DHX36: variants seen among roughly 807,000 people sequenced by gnomAD.
The protein encoded by DHX36 is ATP-dependent DNA/RNA helicase DHX36.
DHX36 carries 50 observed loss-of-function variants against 139.0 expected under a neutral mutation model. The observed-to-expected ratio is 0.36, with a 90% confidence interval of 0.29 to 0.46. The LOEUF (loss-of-function observed/expected upper bound fraction) is 0.46, where lower values mean the gene tolerates loss of function less well. DHX36 is among the 20% of genes least tolerant of loss of function. The pLI, the probability that DHX36 is intolerant of heterozygous loss-of-function variation, is 1.00. For synonymous variants in DHX36, 425 were observed against 401.9 expected (o/e 1.06, Z -0.69); for missense variants, 1,024 against 1,211.3 (o/e 0.85, Z 2.29).
intron 14 of DHX36, 88 bp from the exon 15 acceptor site, chr3:154,292,782 T>C: frequency 6.6e-7 from 1 of 1,504,706 alleles, no homozygotes; most frequent in Non-Finnish European, 8.8e-7. Flanking sequence ...TATTAACCTA[T>C]AAAAGACCAA....
In DHX36 at chr3:154,299,336, T is replaced by C. The variant is rs138147334; in HGVS notation, c.1549+502A>G. 5.3e-3 allele frequency among the ~76,000 whole-genome samples: 811 copies of C among 152,232 alleles called. 5 individuals carry two copies. The highest frequency in any genetic ancestry group is 0.01 in the Admixed American group (153 of 15,274). On this transcript the variant is annotated intron_variant, in intron 12 of 24. Coordinates refer to ENST00000496811, the MANE Select transcript of DHX36 (RefSeq NM_020865.3). ...AGAATTTTCTTTGTAGTTTTTATAT[T>C]TGAAGTTAATGATTGCTGAAAATAC...
At chr3:154,293,172 G>A (rs1056456970) in intron 14 of DHX36, among the ~76,000 whole-genome samples, 2 of 152,024 alleles carry the variant, frequency 1.3e-5, no homozygotes, top group Admixed American at 6.5e-5. Flanking sequence ...CCAGAAACAG[G>A]CGAAAGGACA....
At chr3:154,280,434 A>G in intron 22 of DHX36, 145 bp downstream of exon 22, 1 of 625,434 alleles carries the variant, frequency 1.6e-6, no homozygotes, top group Admixed American at 3.0e-5. Context: ...TAAACAGTTC[A>G]CCTTCTCTGA....
At position 154,276,809 on chromosome 3, in the gene DHX36, T is replaced by C; in HGVS notation, c.2779A>G (p.Thr927Ala). Reference sequence around the variant, plus strand: ...ACAATCCACTCATCTACAGCAATAGTTTCCTGATCGTTATCCTTCTGGATG... The same window carrying C: ...ACAATCCACTCATCTACAGCAATAGCTTCCTGATCGTTATCCTTCTGGATG... The part of the protein sequence containing the change: ...ISIQKDNDQE[T>A]IAVDEWIVFQ... Residue 927 changes from threonine to alanine, a missense_variant, in exon 24 of 25, where the codon ACT becomes GCT. Coordinates refer to ENST00000496811, the MANE Select transcript of DHX36 (RefSeq NM_020865.3). The C allele has an allele frequency of 6.2e-7, 1 of 1,613,998 alleles. No individual in the cohort carries two copies. Among genetic ancestry groups the C allele is most frequent in the Non-Finnish European group, 8.5e-7 (1 of 1,179,950 alleles).
rs771334280 is a variant in DHX36 at position 154,324,204 on chromosome 3, C to T, written c.213G>A (p.Gly71=). The change falls in exon 1 of 25, where the codon GGG becomes GGA. Residue 71 remains glycine (G), a synonymous_variant. Transcript: ENST00000496811. ...GCCTCTCCGCTTCCTTGTTCTTCTG[C>T]CCCTGTTTTTTCGCGTACCACATGC... ...EIGMWYAKKQ[G]QKNKEAERQE... is the part of the protein sequence containing the mutation. 6.2e-7 allele frequency: 1 copy of T among 1,613,122 alleles called. No individual in the cohort carries two copies. The highest frequency in any genetic ancestry group is 8.5e-7 in the Non-Finnish European group (1 of 1,179,454).
In DHX36 at chr3:154,289,829, T is replaced by TAA. The variant is rs149380968; in HGVS notation, c.1815-5_1815-4dup. 8.0e-5 allele frequency: 112 copies of TAA among 1,393,006 alleles called. No individual in the cohort carries two copies. Among genetic ancestry groups the TAA allele is most frequent in the African/African-American group, 3.9e-4 (26 of 66,786 alleles). 86.3% of individuals were successfully genotyped at this position (1,393,006 alleles called of 1,614,324 possible). Reference sequence around the variant, plus strand: ...GATAGCAATGACCAGGTTGAACTCTTAAAAAAAAAACAAAACAAAATGAAA... The same window carrying TAA: ...GATAGCAATGACCAGGTTGAACTCTTAAAAAAAAAAAACAAAACAAAATGAAA... On this transcript the variant is annotated splice_polypyrimidine_tract_variant and splice_region_variant and intron_variant, in intron 15 of 24. Transcript: ENST00000496811.
chr3:154,292,463 TAATA>T, intron 15 of DHX36, 84 bp downstream of exon 15: 1 of 1,531,072 alleles, frequency 6.5e-7, no homozygotes, highest in Non-Finnish European at 8.9e-7. Context: ...GTAACTCTTT[TAATA>T]AATATCTTTA....
chr3:154,303,792 T>C (rs1006941046), intron 8 of DHX36, among the ~76,000 whole-genome samples: 2 of 152,340 alleles, frequency 1.3e-5, no homozygotes, highest in Non-Finnish European at 2.9e-5. Context: ...AGATAAGCAT[T>C]ACTACTTGTA....
At chr3:154,295,393 T>C (rs1711999864) in intron 12 of DHX36, 54 bp from the exon 13 acceptor site, 1 of 891,352 alleles carries the variant, frequency 1.1e-6, no homozygotes, top group African/African-American at 1.7e-5. Context: ...AAAAGCTCCA[T>C]CAAACACATA....
At chr3:154,322,790 T>C (rs1713242231) in intron 1 of DHX36, among the ~76,000 whole-genome samples, 1 of 152,232 alleles carries the variant, frequency 6.6e-6, no homozygotes, top group African/African-American at 2.4e-5. Flanking sequence ...TTCAAGTCCC[T>C]GGAGCAATAT....
intron 2 of DHX36, 65 bp downstream of exon 2, chr3:154,315,973 GA>G: frequency 6.7e-7 from 1 of 1,484,596 alleles, no homozygotes; most frequent in South Asian, 1.3e-5. Flanking sequence ...AGAAAATAAA[GA>G]TGTTATTTTT....
intron 23 of DHX36, 78 bp from the exon 24 acceptor site, chr3:154,276,977 TATTA>T (rs1719168595): frequency 3.3e-6 from 4 of 1,207,178 alleles, no homozygotes; most frequent in African/African-American, 1.6e-5. Flanking sequence ...ATATTACCAG[TATTA>T]ATTAATGAGT....
At position 154,306,133 on chromosome 3, in the gene DHX36, G is replaced by A. The variant is rs926010446; in HGVS notation, c.893+83C>T. 5.8e-6 allele frequency: 6 copies of A among 1,032,126 alleles called. No homozygotes were observed. In the African/African-American group the frequency reaches 8.0e-5, roughly 14 times the overall value. 63.9% of individuals were successfully genotyped at this position (1,032,126 alleles called of 1,614,324 possible). ...TAATAGTAATAACCATCATAAAAAT[G>A]GGGAAAATATCCTTTCTTTTGAATC... is the stretch of plus-strand genomic sequence containing the variant. On this transcript the variant is annotated intron_variant, in intron 6 of 24. Transcript: ENST00000496811.
rs541332010 is a variant in DHX36, at chr3:154,307,695, A to G, written c.814-1400T>C. On this transcript the variant is annotated intron_variant, in intron 5 of 24. Coordinates refer to ENST00000496811, the MANE Select transcript of DHX36 (RefSeq NM_020865.3). ...ATGCAAATTAGCACAGCCTCTATAG[A>G]AAACAGTATGGAGATTGCTCAAAGA... is the stretch of plus-strand genomic sequence containing the variant. Among the ~76,000 whole-genome samples, 345 of 152,298 alleles carry G rather than the reference A, an allele frequency of 2.3e-3. 2 individuals are homozygous for G. Among genetic ancestry groups the G allele is most frequent in the African/African-American group, 8.1e-3 (338 of 41,570 alleles).
intron 17 of DHX36, among the ~76,000 whole-genome samples, chr3:154,286,054 AAAAT>A (rs1289284416): frequency 1.3e-5 from 2 of 151,824 alleles, no homozygotes; most frequent in African/African-American, 2.4e-5. Context: ...TGAACCAACT[AAAAT>A]AGTCATACCA....
chr3:154,284,466 C>T, intron 19 of DHX36, 117 bp downstream of exon 19: 1 of 854,554 alleles, frequency 1.2e-6, no homozygotes, highest in Non-Finnish European at 1.8e-6. Flanking sequence ...CAGGCATGAG[C>T]CACCGCGCCC....
intron 3 of DHX36, among the ~76,000 whole-genome samples, chr3:154,313,770 G>GA (rs1489180875): frequency 6.6e-6 from 1 of 152,026 alleles, no homozygotes; most frequent in Non-Finnish European, 1.5e-5. Flanking sequence ...AGAACATAAA[G>GA]AAAAAATATT....
At chr3:154,305,051 T>C (rs1222935030) in intron 7 of DHX36, 43 bp downstream of exon 7, 2 of 1,591,910 alleles carry the variant, frequency 1.3e-6, no homozygotes, top group South Asian at 1.2e-5. Context: ...AATAATTACA[T>C]CTTTTGATAA....
intron 12 of DHX36, 98 bp from the exon 13 acceptor site, chr3:154,295,437 TTC>T: frequency 1.9e-6 from 1 of 525,766 alleles, no homozygotes. Flanking sequence ...AACCACTCAA[TTC>T]TTTTTTTGAT....
Sources: gnomAD v4.1 joint callset for allele counts (sites outside exome capture counted in the v4.1 genomes callset) on GRCh38, gnomAD v4.1.1 for gene constraint, MANE v1.5 for transcripts, NCBI Gene and HGNC (gene_info 2026-07-23, HGNC 2026-07-21) for gene names.